Variants in TECTB observed in about 807,000 individuals in gnomAD.
The protein encoded by TECTB is tectorin beta.
Under a neutral mutation model 43.3 loss-of-function variants are expected in TECTB, and 45 were observed. That is an observed-to-expected ratio of 1.04 (90% CI 0.82 to 1.33). The LOEUF (loss-of-function observed/expected upper bound fraction) is 1.33. TECTB is among the 40% of genes most tolerant of loss of function. TECTB has a pLI of 0.00. For missense variants in TECTB, 399 were observed against 404.7 expected (o/e 0.99, Z 0.12); for synonymous variants, 169 against 156.7 (o/e 1.08, Z -0.59).
Position 112,283,765 on chromosome 10 carries a change from A to G in TECTB, c.31A>G (p.Ile11Val). MVTKAFVLLAIFAEASAKSCA... is the reference protein window; with the variant it reads MVTKAFVLLAVFAEASAKSCA... ...GACGAAGGCCTTTGTCTTGTTGGCC[A>G]TCTTTGCAGAAGCCTCTGCAAAATC... is the stretch of plus-strand genomic sequence containing the variant. The change falls in exon 2 of 11, where the codon ATC (isoleucine) becomes GTC (valine). Residue 11 changes from isoleucine (I) to valine (V), a missense_variant. Transcript: ENST00000646139. The G allele has an allele frequency of 6.2e-7, 1 of 1,613,978 alleles. No individual in the cohort carries two copies. The highest frequency in any genetic ancestry group is 1.1e-5 in the South Asian group (1 of 91,044).
intron 5 of TECTB, among the ~76,000 whole-genome samples, chr10:112,289,415 G>A (rs1269897144): frequency 6.6e-6 from 1 of 152,144 alleles, no homozygotes; most frequent in Non-Finnish European, 1.5e-5. Flanking sequence ...CCTCCGAGGT[G>A]GTAAACCTTG....
chr10:112,301,482 C>G (rs1208344261), intron 9 of TECTB, among the ~76,000 whole-genome samples: 1 of 152,024 alleles, frequency 6.6e-6, no homozygotes, highest in East Asian at 1.9e-4. Context: ...CACAGCAACA[C>G]TCGTTCATGT....
intron 3 of TECTB, 85 bp from the exon 4 acceptor site, chr10:112,285,986 A>G: frequency 1.3e-6 from 2 of 1,554,506 alleles, no homozygotes; most frequent in African/African-American, 2.7e-5. Flanking sequence ...CTTGTTTTTG[A>G]GCCATCTTCT....
At chr10:112,297,992 T>C in intron 7 of TECTB, 77 bp from the exon 8 acceptor site, 1 of 1,597,520 alleles carries the variant, frequency 6.3e-7, no homozygotes, top group South Asian at 1.1e-5. Flanking sequence ...TCGGGAGCCT[T>C]GTGTGTAAAT....
chr10:112,303,474 G>A lies in TECTB; in HGVS notation c.*162G>A, dbSNP rs761619702. 1.5e-5 allele frequency: 13 copies of A among 842,452 alleles called. No individual in the cohort carries two copies. The highest frequency in any genetic ancestry group is 2.4e-5 in the Non-Finnish European group (13 of 533,884). 52.2% of individuals were successfully genotyped at this position (842,452 alleles called of 1,614,324 possible). On this transcript the variant is annotated 3_prime_UTR_variant, in exon 11 of 11. Coordinates refer to ENST00000646139, the MANE Select transcript of TECTB (RefSeq NM_058222.3). ...CACTCCAATAATTTCTGTGAATTTGGTGATGCCTTTTTCTTTCTAAGAAAA... is the reference window on the plus strand; with the variant it reads ...CACTCCAATAATTTCTGTGAATTTGATGATGCCTTTTTCTTTCTAAGAAAA...
chr10:112,285,495 ACAT>A (rs773062293), intron 3 of TECTB, among the ~76,000 whole-genome samples: 5 of 152,210 alleles, frequency 3.3e-5, no homozygotes, highest in Non-Finnish European at 7.3e-5. Context: ...GATTAACAAG[ACAT>A]CATGTCTTTG....
intron 10 of TECTB, chr10:112,302,515 T>TGGGCAATGACCTC (rs1405827741): frequency 1.2e-5 from 5 of 411,386 alleles, no homozygotes; most frequent in Middle Eastern, 5.9e-4. Context: ...TGAGTGACCT[T>TGGGCAATGACCTC]GGGCAATGAC....
At chr10:112,299,469 T>C (rs746480441) in intron 8 of TECTB, 23 bp from the exon 9 acceptor site, 1 of 1,613,882 alleles carries the variant, frequency 6.2e-7, no homozygotes, top group South Asian at 1.1e-5. Flanking sequence ...GCTTCTCTCC[T>C]GTCTGCCTCT....
chr10:112,286,223 T>G lies in TECTB; in HGVS notation c.410+10T>G. ...CTGCCTTTGACCAGAGGTAAGTTGC[T>G]GTGCGGCATGGAGGGCTGGCTGCCT... On this transcript the variant is annotated intron_variant, in intron 4 of 10. Coordinates refer to ENST00000646139, the MANE Select transcript of TECTB (RefSeq NM_058222.3). The G allele has an allele frequency of 6.2e-7, 1 of 1,614,164 alleles. No homozygotes were observed.
chr10:112,289,927 A>G (rs1345291788), intron 5 of TECTB, among the ~76,000 whole-genome samples: 1 of 152,068 alleles, frequency 6.6e-6, no homozygotes, highest in African/African-American at 2.4e-5. Context: ...TTGTTAAGCC[A>G]GGTGTACTCA....
intron 9 of TECTB, among the ~76,000 whole-genome samples, chr10:112,300,332 G>GAAAGAAAGAAAGAGAAAGAA (rs1564710688): frequency 7.2e-6 from 1 of 139,560 alleles, no homozygotes; most frequent in Non-Finnish European, 1.6e-5. Context: ...AAAGAAAAAA[G>GAAAGAAAGAAAGAGAAAGAA]AAAAGAAAAG....
At chr10:112,293,206 G>T (rs1380910644) in intron 5 of TECTB, among the ~76,000 whole-genome samples, 1 of 152,238 alleles carries the variant, frequency 6.6e-6, no homozygotes, top group Non-Finnish European at 1.5e-5. Context: ...TCCTGACAGA[G>T]TCCATCGTCA....
In TECTB at chr10:112,304,665, A is replaced by C. The variant is rs1221739754; in HGVS notation, c.*1353A>C. On this transcript the variant is annotated 3_prime_UTR_variant, in exon 11 of 11. Coordinates refer to ENST00000646139, the MANE Select transcript of TECTB (RefSeq NM_058222.3). ...TTTGCAGTTTGATGATTCTTTTACA[A>C]CTTGTGTTAGTGAACTCAGAGATTA... The C allele has an allele frequency of 7.0e-6, 1 of 142,800 alleles. No homozygotes were observed. The highest frequency in any genetic ancestry group is 1.5e-5 in the Non-Finnish European group (1 of 68,018). The allele number at this position is 142,800 out of a possible 1,614,324, so 8.8% of individuals were successfully genotyped here.
Position 112,287,935 on chromosome 10 carries a change from A to C in TECTB, c.483+1544A>C, listed in dbSNP as rs142354627. ...CTAGATCTGCCCCTAGCCACACACC[A>C]CTAGTCGTTAAGTACCGAGAAAGGG... On this transcript the variant is annotated intron_variant, in intron 5 of 10. Transcript: ENST00000646139. 2.6e-3 allele frequency among the ~76,000 whole-genome samples: 398 copies of C among 152,304 alleles called. 1 individual carries two copies. Among genetic ancestry groups the C allele is most frequent in the African/African-American group, 8.9e-3 (372 of 41,574 alleles).
intron 7 of TECTB, among the ~76,000 whole-genome samples, chr10:112,294,481 T>C (rs1225460129): frequency 2.0e-5 from 3 of 152,184 alleles, no homozygotes; most frequent in Non-Finnish European, 4.4e-5. Flanking sequence ...ACCACGGTGA[T>C]GATGACTAAA....
chr10:112,286,138 A>T lies in TECTB; in HGVS notation c.335A>T (p.Asn112Ile). The change falls in exon 4 of 11, where the codon AAC becomes ATC. Residue 112 changes from asparagine to isoleucine, a missense_variant. Coordinates refer to ENST00000646139, the MANE Select transcript of TECTB (RefSeq NM_058222.3). ...AATGACACCACAGTGATTGTAAAAA[A>T]CCAGCCTGTCAACTACTCCTTCTCC... ...VSNDTTVIVK[N>I]QPVNYSFSCT... is the part of the protein sequence containing the mutation. 1.2e-6 allele frequency: 2 copies of T among 1,613,718 alleles called. No individual in the cohort carries two copies. The highest frequency in any genetic ancestry group is 8.5e-7 in the Non-Finnish European group (1 of 1,179,956).
At chr10:112,286,494 GC>G (rs1848455892) in intron 5 of TECTB, 103 bp downstream of exon 5, 10 of 1,232,758 alleles carry the variant, frequency 8.1e-6, no homozygotes, top group Admixed American at 5.2e-5. Context: ...TCTGTGCAGA[GC>G]CCCATTCTTA....
rs960106744 is a variant in TECTB, at chr10:112,290,995, T to C, written c.484-2743T>C. 3.3e-5 allele frequency among the ~76,000 whole-genome samples: 5 copies of C among 152,202 alleles called. 1 individual carries two copies. In the South Asian group the frequency reaches 6.2e-4, roughly 19 times the overall value. ...TAAAGTCCACTTTATTTTATCTTTA[T>C]TTGTTATTTTTATTTTAAGTTCTGG... On this transcript the variant is annotated intron_variant, in intron 5 of 10. Coordinates refer to ENST00000646139, the MANE Select transcript of TECTB (RefSeq NM_058222.3).
chr10:112,293,154 G>C (rs955365073), intron 5 of TECTB, among the ~76,000 whole-genome samples: 1 of 152,210 alleles, frequency 6.6e-6, no homozygotes, highest in African/African-American at 2.4e-5. Context: ...GAATATGCCA[G>C]ATCATTGAAG....
Sources: gnomAD v4.1 joint callset for allele counts (sites outside exome capture counted in the v4.1 genomes callset) on GRCh38, gnomAD v4.1.1 for gene constraint, MANE v1.5 for transcripts, NCBI Gene and HGNC (gene_info 2026-07-23, HGNC 2026-07-21) for gene names.